Variants in CHSY3 observed in about 807,000 individuals in gnomAD.
CHSY3 encodes chondroitin sulfate synthase 3.
In CHSY3, 35 loss-of-function variants were observed where a neutral mutation model predicts 67.2. The ratio of observed to expected loss-of-function variants is 0.52; its 90% CI spans 0.40 to 0.69. The LOEUF (loss-of-function observed/expected upper bound fraction) is 0.69, where lower values mean the gene tolerates loss of function less well. Among genes scored for constraint, CHSY3 ranks in the 30% least tolerant of loss-of-function variants. The pLI, the probability that CHSY3 is intolerant of heterozygous loss-of-function variation, is 0.00. For synonymous variants in CHSY3, 474 were observed against 434.7 expected, an observed-to-expected ratio of 1.09 and a Z score of -1.12; for missense variants, 1,069 against 1,138.5, an observed-to-expected ratio of 0.94 and a Z score of 0.88.
At chr5:130,165,466 T>C (rs1769717236) in intron 2 of CHSY3, among the ~76,000 whole-genome samples, 1 of 152,168 alleles carries the variant, frequency 6.6e-6, no homozygotes, top group African/African-American at 2.4e-5. Flanking sequence ...GCTTTTGATA[T>C]AGGAAGCTTT....
intron 2 of CHSY3, among the ~76,000 whole-genome samples, chr5:129,918,364 T>C (rs2149580966): frequency 6.6e-6 from 1 of 152,372 alleles, no homozygotes; most frequent in Admixed American, 6.5e-5. Context: ...TTGACTTAAA[T>C]AATTTGATCT....
chr5:130,027,876 G>A (rs1764594007), intron 2 of CHSY3, among the ~76,000 whole-genome samples: 1 of 152,088 alleles, frequency 6.6e-6, no homozygotes, highest in Non-Finnish European at 1.5e-5. Flanking sequence ...TATCATTGAT[G>A]GACATTTGGG....
At chr5:129,939,207 C>G (rs943459209) in intron 2 of CHSY3, among the ~76,000 whole-genome samples, 1 of 152,176 alleles carries the variant, frequency 6.6e-6, no homozygotes, top group Non-Finnish European at 1.5e-5. Flanking sequence ...TATGAGAACT[C>G]TATCTGGAGA....
intron 2 of CHSY3, among the ~76,000 whole-genome samples, chr5:129,989,421 C>T (rs949937006): frequency 2.0e-5 from 3 of 151,894 alleles, no homozygotes; most frequent in Non-Finnish European, 4.4e-5. Context: ...ACCACTGCCC[C>T]GTCAAATTTT....
intron 2 of CHSY3, among the ~76,000 whole-genome samples, chr5:130,032,717 C>T (rs981739789): frequency 1.3e-5 from 2 of 152,068 alleles, no homozygotes; most frequent in South Asian, 2.1e-4. Context: ...AAGCTGAATA[C>T]GAATGAGAGA....
chr5:130,088,324 T>C (rs1034032896), intron 2 of CHSY3, among the ~76,000 whole-genome samples: 2 of 149,324 alleles, frequency 1.3e-5, no homozygotes, highest in African/African-American at 2.5e-5. Context: ...ACTTCATGTC[T>C]AAAACACCAA....
chr5:130,131,287 C>A (rs1347929849), intron 2 of CHSY3, among the ~76,000 whole-genome samples: 1 of 152,098 alleles, frequency 6.6e-6, no homozygotes, highest in Non-Finnish European at 1.5e-5. Context: ...GGCTAAAAAG[C>A]CTTTTCTGTC....
chr5:130,047,209 T>C (rs1447681266), intron 2 of CHSY3, among the ~76,000 whole-genome samples: 1 of 152,090 alleles, frequency 6.6e-6, no homozygotes, highest in Non-Finnish European at 1.5e-5. Context: ...GGAACTATTT[T>C]CTTCATATTC....
chr5:129,938,559 G>T (rs991780130), intron 2 of CHSY3, among the ~76,000 whole-genome samples: 1 of 152,156 alleles, frequency 6.6e-6, no homozygotes, highest in Non-Finnish European at 1.5e-5. Flanking sequence ...AAGCAGCCAG[G>T]CCACATCGTG....
chr5:129,905,203 C>G lies in CHSY3; in HGVS notation c.374C>G (p.Pro125Arg), dbSNP rs780577418. Residue 125 changes from proline (P) to arginine (R), a missense_variant, in exon 1 of 3, where the codon CCC becomes CGC. By Grantham distance (103) the Pro-to-Arg change is moderately radical. Coordinates refer to ENST00000305031, the MANE Select transcript of CHSY3 (RefSeq NM_175856.5). ...GAGCCTGAGGGCGCGACGGGGCTTCCCGGTGCTCCAGCGGCCGAGGGGGAG... is the reference window on the plus strand; with the variant it reads ...GAGCCTGAGGGCGCGACGGGGCTTCGCGGTGCTCCAGCGGCCGAGGGGGAG... ...GREPEGATGL[P>R]GAPAAEGEPE... 5 of 1,515,582 alleles carry G rather than the reference C, an allele frequency of 3.3e-6. No individual in the cohort carries two copies. Among genetic ancestry groups the G allele is most frequent in the Non-Finnish European group, 4.4e-6 (5 of 1,138,370 alleles). 93.9% of individuals were successfully genotyped at this position (1,515,582 alleles called of 1,614,324 possible).
chr5:129,945,461 A>T (rs1580563430), intron 2 of CHSY3, among the ~76,000 whole-genome samples: 1 of 152,164 alleles, frequency 6.6e-6, no homozygotes, highest in African/African-American at 2.4e-5. Flanking sequence ...CTTAATTTAT[A>T]AAATTTTTAA....
Position 130,181,188 on chromosome 5 carries a change from C to T in CHSY3, c.1087-3041C>T, listed in dbSNP as rs535969593. On this transcript the variant is annotated intron_variant, in intron 2 of 2. Transcript: ENST00000305031. Reference sequence around the variant, plus strand: ...TGATTTTTCTTTGCCGTGTAATGTTCTGGAGGTTCCATGAAATCCACTGAT... The same window carrying T: ...TGATTTTTCTTTGCCGTGTAATGTTTTGGAGGTTCCATGAAATCCACTGAT... Among the ~76,000 whole-genome samples, 5 of 152,212 alleles carry T rather than the reference C, an allele frequency of 3.3e-5. No homozygotes were observed. The South Asian group carries it at 1.0e-3, about 32-fold the overall frequency.
chr5:129,984,584 C>A (rs1763118540), intron 2 of CHSY3, among the ~76,000 whole-genome samples: 2 of 152,096 alleles, frequency 1.3e-5, no homozygotes, highest in Non-Finnish European at 2.9e-5. Flanking sequence ...ATTTTAAGTT[C>A]TTTGAGAAAT....
intron 2 of CHSY3, among the ~76,000 whole-genome samples, chr5:130,121,852 C>T (rs1345059683): frequency 2.0e-5 from 3 of 152,044 alleles, no homozygotes; most frequent in Non-Finnish European, 4.4e-5. Context: ...GAGGATGAGG[C>T]TGGGCATAAT....
chr5:129,962,535 A>G (rs529152875), intron 2 of CHSY3, among the ~76,000 whole-genome samples: 58 of 152,122 alleles, frequency 3.8e-4, no homozygotes, highest in African/African-American at 1.4e-3. Context: ...TGCCCTGCTT[A>G]AAACTATTTA....
Position 129,946,570 on chromosome 5 carries a change from G to A in CHSY3, c.1086+38210G>A, listed in dbSNP as rs548076440. On this transcript the variant is annotated intron_variant, in intron 2 of 2. Transcript: ENST00000305031. ...AGGTCTCCAAAATTTATTTATAACT[G>A]AAGGTTTATACCCTTTGACCAGCAT... Among the ~76,000 whole-genome samples the A allele has an allele frequency of 1.1e-4, 17 of 152,176 alleles. No homozygotes were observed. In the South Asian group the frequency reaches 2.9e-3, roughly 26 times the overall value.
At chr5:130,178,243 A>ATT (rs1770124366) in intron 2 of CHSY3, among the ~76,000 whole-genome samples, 1 of 68,374 alleles carries the variant, frequency 1.5e-5, no homozygotes, top group Admixed American at 1.8e-4. Context: ...ATATATATAT[A>ATT]TATATATATA....
chr5:130,010,074 ATAT>A (rs1561495133), intron 2 of CHSY3, among the ~76,000 whole-genome samples: 2 of 152,256 alleles, frequency 1.3e-5, no homozygotes, highest in Non-Finnish European at 2.9e-5. Context: ...ATTAGACAGA[ATAT>A]CAAGGCAGAA....
At chr5:130,172,623 G>A (rs1162210207) in intron 2 of CHSY3, among the ~76,000 whole-genome samples, 2 of 152,208 alleles carry the variant, frequency 1.3e-5, no homozygotes, top group South Asian at 4.1e-4. Flanking sequence ...GAGCCACTGT[G>A]CCTGGCCACA....
Sources: allele counts gnomAD v4.1 joint callset (sites outside exome capture counted in the v4.1 genomes callset), GRCh38; gene constraint gnomAD v4.1.1; transcripts MANE v1.5; gene names NCBI Gene and HGNC (gene_info 2026-07-23, HGNC 2026-07-21).